GPLD1: variants seen among roughly 807,000 people sequenced by gnomAD.
The protein encoded by GPLD1 is phosphatidylinositol-glycan-specific phospholipase D.
Under a neutral mutation model 112.6 loss-of-function variants are expected in GPLD1, and 84 were observed. The observed-to-expected ratio is 0.75, with a 90% CI of 0.63 to 0.89. The LOEUF is 0.89. Among genes scored for constraint, GPLD1 ranks in the 40% least tolerant of loss-of-function variants. The pLI is 0.00. For missense variants in GPLD1, 1,044 were observed against 1,051.5 expected (o/e 0.99, Z 0.10); for synonymous variants, 386 against 403.8 (o/e 0.96, Z 0.53).
chr6:24,437,026 G>A (rs1029574291), intron 21 of GPLD1, 87 bp downstream of exon 21: 31 of 1,199,646 alleles, frequency 2.6e-5, no homozygotes, highest in Non-Finnish European at 3.4e-5. Context: ...TCAATTATAA[G>A]GGCAGAGCCC....
intron 22 of GPLD1, among the ~76,000 whole-genome samples, chr6:24,434,688 A>T (rs1315627511): frequency 2.0e-5 from 3 of 151,906 alleles, no homozygotes; most frequent in East Asian, 3.9e-4. Context: ...ATACAAAAAA[A>T]TTAGCCAGGC....
Position 24,427,855 on chromosome 6 carries a change from A to AC in GPLD1, c.*1176_*1177insG. Among the ~76,000 whole-genome samples, 1 of 110,678 alleles carries AC rather than the reference A, an allele frequency of 9.0e-6. No individual in the cohort carries two copies. Among genetic ancestry groups the AC allele is most frequent in the Admixed American group, 8.5e-5 (1 of 11,816 alleles). The allele number at this position is 110,678 out of a possible 152,430, so 72.6% of individuals were successfully genotyped here. On this transcript the variant is annotated 3_prime_UTR_variant, in exon 25 of 25. Coordinates refer to ENST00000230036, the MANE Select transcript of GPLD1 (RefSeq NM_001503.4). ...AGCAAGACTCCGTCTCAAAAAAAAA[A>AC]AAAAAAAAAAAGGACTATCATCCTT...
Position 24,467,219 on chromosome 6 carries a change from C to T in GPLD1, c.601G>A (p.Val201Ile). The change falls in exon 8 of 25, where the codon GTC becomes ATC. Residue 201 changes from valine to isoleucine, a missense_variant. Val to Ile is a conservative substitution (Grantham distance 29, BLOSUM62 3). Coordinates refer to ENST00000230036, the MANE Select transcript of GPLD1 (RefSeq NM_001503.4). Reference sequence around the variant, plus strand: ...TCAACGATTACATTTTCGGTGATGACTTTTCGACCATACAGTTTCTCATAA... The same window carrying T: ...TCAACGATTACATTTTCGGTGATGATTTTTCGACCATACAGTTTCTCATAA... ...GIYEKLYGRK[V>I]ITENVIVDCS... is the part of the protein sequence containing the mutation. 6.2e-7 allele frequency: 1 copy of T among 1,609,508 alleles called. No homozygotes were observed. The highest frequency in any genetic ancestry group is 8.5e-7 in the Non-Finnish European group (1 of 1,175,784).
downstream of GPLD1, chr6:24,425,410 A>G (rs1762199879): frequency 6.6e-6 from 1 of 152,224 alleles, no homozygotes; most frequent in African/African-American, 2.4e-5. Flanking sequence ...AATAAAAGGA[A>G]AAATAATGTA....
intron 10 of GPLD1, among the ~76,000 whole-genome samples, chr6:24,465,393 T>C (rs958586084): frequency 1.3e-5 from 2 of 150,276 alleles, no homozygotes; most frequent in Non-Finnish European, 3.0e-5. Flanking sequence ...ATACAAACAA[T>C]TAGCCTGGTG....
At chr6:24,456,242 T>C (rs11757514) in intron 13 of GPLD1, among the ~76,000 whole-genome samples, 41,575 of 151,600 alleles carry the variant, frequency 0.27, 6,991 homozygotes, top group Middle Eastern at 0.42. Flanking sequence ...CTACTAAAAA[T>C]ATAAAAATTA....
chr6:24,465,257 C>T (rs1048529420), intron 10 of GPLD1, among the ~76,000 whole-genome samples: 5 of 146,976 alleles, frequency 3.4e-5, no homozygotes, highest in Admixed American at 6.8e-5. Flanking sequence ...ATGGGTTTTC[C>T]GGCCACGCAT....
chr6:24,458,175 T>C (rs1307950996), intron 12 of GPLD1, among the ~76,000 whole-genome samples: 1 of 151,780 alleles, frequency 6.6e-6, no homozygotes, highest in Admixed American at 6.6e-5. Context: ...TTCCTAGGTC[T>C]GCTCCAAAGC....
intron 2 of GPLD1, 104 bp from the exon 3 acceptor site, chr6:24,480,063 T>A (rs894030646): frequency 5.6e-6 from 4 of 711,066 alleles, no homozygotes; most frequent in Non-Finnish European, 7.6e-6. Context: ...TATGGGGGTA[T>A]AGATGGAATG....
chr6:24,442,054 C>T (rs1301350356), intron 20 of GPLD1, among the ~76,000 whole-genome samples: 1 of 148,160 alleles, frequency 6.7e-6, no homozygotes, highest in Non-Finnish European at 1.5e-5. Flanking sequence ...TATTAGTATA[C>T]TTATACACAC....
chr6:24,441,761 T>C (rs889949384), intron 20 of GPLD1, among the ~76,000 whole-genome samples: 4 of 152,202 alleles, frequency 2.6e-5, no homozygotes, highest in Non-Finnish European at 4.4e-5. Context: ...TGTCTTCATG[T>C]TGTCCTGTCT....
At position 24,445,960 on chromosome 6, in the gene GPLD1, C is replaced by T. The variant is rs188050116; in HGVS notation, c.1821-129G>A. On this transcript the variant is annotated intron_variant, in intron 18 of 24. Coordinates refer to ENST00000230036, the MANE Select transcript of GPLD1 (RefSeq NM_001503.4). Reference sequence around the variant, plus strand: ...CCCAGCAGGCTCTGTCTCTGCGACCCCAGGCCTGGAAGTGTGGGGACTATT... The same window carrying T: ...CCCAGCAGGCTCTGTCTCTGCGACCTCAGGCCTGGAAGTGTGGGGACTATT... The T allele has an allele frequency of 2.0e-4, 132 of 668,366 alleles. No homozygotes were observed. In the East Asian group the frequency reaches 3.2e-3, roughly 16 times the overall value. The allele number at this position is 668,366 out of a possible 1,614,324, so 41.4% of individuals were successfully genotyped here. A position where few individuals can be genotyped will look rare whatever the true frequency, so the allele number is the denominator to read the frequency against.
chr6:24,474,174 T>TACACACACACAC lies in GPLD1; in HGVS notation c.442-519_442-508dup, dbSNP rs56324939. Among the ~76,000 whole-genome samples the TACACACACACAC allele has an allele frequency of 3.7e-3, 538 of 145,620 alleles. 4 individuals are homozygous for TACACACACACAC. Among genetic ancestry groups the TACACACACACAC allele is most frequent in the African/African-American group, 0.013 (485 of 38,218 alleles). ...AACAACAAAAAAAACCACACCCACA[T>TACACACACACAC]ACACACACACACACACACACACACA... On this transcript the variant is annotated intron_variant, in intron 5 of 24. Coordinates refer to ENST00000230036, the MANE Select transcript of GPLD1 (RefSeq NM_001503.4).
chr6:24,494,841 G>A (rs1253772363), intron 1 of GPLD1: 22 of 834,098 alleles, frequency 2.6e-5, no homozygotes, highest in Non-Finnish European at 3.2e-6. Context: ...CGCGGAGAGA[G>A]GGCGCTGCTC....
Position 24,486,125 on chromosome 6 carries a change from T to C in GPLD1, c.103A>G (p.Arg35Gly). 6.4e-7 allele frequency: 1 copy of C among 1,570,398 alleles called. No individual in the cohort carries two copies. The highest frequency in any genetic ancestry group is 8.8e-7 in the Non-Finnish European group (1 of 1,142,378). ...GLSTHVEIGH[R>G]ALEFLQLHNG... ...TGAAGCTGAAGAAACTCCAGAGCTCTGTGTCCTGAGAGAAATAAATACATA... is the reference window on the plus strand; with the variant it reads ...TGAAGCTGAAGAAACTCCAGAGCTCCGTGTCCTGAGAGAAATAAATACATA... The change falls in exon 2 of 25, where the codon AGA (arginine) becomes GGA (glycine). Residue 35 changes from arginine to glycine, a missense_variant. Transcript: ENST00000230036.
intron 2 of GPLD1, among the ~76,000 whole-genome samples, chr6:24,482,377 T>A (rs971268755): frequency 1.3e-5 from 2 of 152,020 alleles, no homozygotes; most frequent in Non-Finnish European, 2.9e-5. Context: ...ACCTCCCAGG[T>A]TCAAGTGATT....
chr6:24,486,817 C>CAA (rs11322353), intron 1 of GPLD1, among the ~76,000 whole-genome samples: 1 of 149,620 alleles, frequency 6.7e-6, no homozygotes, highest in South Asian at 2.1e-4. Context: ...GGCTCTGTCT[C>CAA]AAAAAAAAAA....
intron 1 of GPLD1, among the ~76,000 whole-genome samples, chr6:24,486,778 A>G (rs1032905944): frequency 1.3e-5 from 2 of 151,846 alleles, no homozygotes; most frequent in African/African-American, 4.8e-5. Flanking sequence ...AGACCACGCC[A>G]CTGCACTCCA....
chr6:24,453,920 A>T (rs1763178377), intron 14 of GPLD1, 95 bp downstream of exon 14: 1 of 781,990 alleles, frequency 1.3e-6, no homozygotes, highest in Non-Finnish European at 2.1e-6. Flanking sequence ...TACTGTAATT[A>T]TTCTTGTTAT....
Sources: allele counts gnomAD v4.1 joint callset (sites outside exome capture counted in the v4.1 genomes callset), GRCh38; gene constraint gnomAD v4.1.1; transcripts MANE v1.5; gene names NCBI Gene and HGNC (gene_info 2026-07-23, HGNC 2026-07-21).